RAD54L: variants seen among roughly 807,000 people sequenced by gnomAD.
The protein encoded by RAD54L is RAD54 like.
In RAD54L, 74 loss-of-function variants were observed where a neutral mutation model predicts 91.6. The observed-to-expected ratio is 0.81, with a 90% CI of 0.67 to 0.98. RAD54L has a LOEUF of 0.98. Among genes scored for constraint, RAD54L ranks in the 50% least tolerant of loss-of-function variants. The probability of loss-of-function intolerance (pLI) is 0.00; values close to 1 mark genes in which losing one functional copy is unlikely to be tolerated. For synonymous variants in RAD54L, 304 were observed against 349.7 expected, an observed-to-expected ratio of 0.87 and a Z score of 1.46; for missense variants, 887 against 945.7, an observed-to-expected ratio of 0.94 and a Z score of 0.81.
intron 8 of RAD54L, among the ~76,000 whole-genome samples, chr1:46,262,849 CA>C (rs1377041177): frequency 5.3e-5 from 8 of 152,124 alleles, no homozygotes; most frequent in Admixed American, 3.9e-4. Flanking sequence ...TCACAGGGAA[CA>C]GGTTCTAGAG....
At chr1:46,278,039 T>A in intron 17 of RAD54L, 33 bp from the exon 18 acceptor site, 1 of 1,614,146 alleles carries the variant, frequency 6.2e-7, no homozygotes, top group Non-Finnish European at 8.5e-7. Context: ...AGATGGGATC[T>A]GTAGTGACTT....
rs2148303452 is a variant in RAD54L, at chr1:46,274,641, C to T, written c.1793C>T (p.Ala598Val). 1 of 1,614,100 alleles carries T rather than the reference C, an allele frequency of 6.2e-7. No individual in the cohort carries two copies. Among genetic ancestry groups the T allele is most frequent in the Non-Finnish European group, 8.5e-7 (1 of 1,180,034 alleles). ...LVMFDPDWNP[A>V]NDEQAMARVW... The stretch of plus-strand genomic sequence containing the variant: ...ATGTTTGACCCTGACTGGAACCCAG[C>T]CAATGATGAACAAGCCATGGCCCGG... The change falls in exon 16 of 18, where the codon GCC becomes GTC. Residue 598 changes from alanine to valine, a missense_variant. Ala to Val is a moderately conservative substitution (Grantham distance 64). Coordinates refer to ENST00000371975, the MANE Select transcript of RAD54L (RefSeq NM_003579.4).
In RAD54L at chr1:46,260,978, C is replaced by T. The variant is rs145730038; in HGVS notation, c.729C>T (p.Ile243=). The T allele has an allele frequency of 2.0e-5, 33 of 1,613,854 alleles. No individual in the cohort carries two copies. In the African/African-American group the frequency reaches 2.7e-4, roughly 13 times the overall value. Residue 243 remains isoleucine (I), a synonymous_variant, in exon 7 of 18, where the codon ATC becomes ATT. Coordinates refer to ENST00000371975, the MANE Select transcript of RAD54L (RefSeq NM_003579.4). ...GAGGGAGGATCCAACCTCTGGCCATCGATGGAGGATCTAAGGATGAAATAG... is the reference window on the plus strand; with the variant it reads ...GAGGGAGGATCCAACCTCTGGCCATTGATGGAGGATCTAAGGATGAAATAG... ...WLGGRIQPLA[I]DGGSKDEIDQ...
chr1:46,248,517 G>C lies in RAD54L; in HGVS notation c.9G>C (p.Arg3Ser), dbSNP rs772321829. MR[R>S]SLAPSQLAKR... ...TTTCTGTTCTCCCTTTACAGAGGAGGAGCTTGGCTCCCAGCCAGCTGGCCA... is the reference window on the plus strand; with the variant it reads ...TTTCTGTTCTCCCTTTACAGAGGAGCAGCTTGGCTCCCAGCCAGCTGGCCA... Residue 3 changes from arginine to serine, a missense_variant, in exon 2 of 18, where the codon AGG becomes AGC. Physicochemically the swap from Arg to Ser is moderately radical, Grantham distance 110. Transcript: ENST00000371975. The C allele has an allele frequency of 3.1e-6, 5 of 1,614,160 alleles. No homozygotes were observed. In the Admixed American group the frequency reaches 5.0e-5, roughly 16 times the overall value.
rs915105893 is a variant in RAD54L at position 46,265,994 on chromosome 1, C to T, written c.892-1465C>T. ...TTAGTACCATGCCTACCACATTAAA[C>T]GGGTTCACTAAATAGTAGCAGCCAT... On this transcript the variant is annotated intron_variant, in intron 8 of 17. Transcript: ENST00000371975. The surrounding 1 kb of genome is among the most constrained non-coding windows in gnomAD (Gnocchi z 4.8). Among the ~76,000 whole-genome samples, 4 of 152,164 alleles carry T rather than the reference C, an allele frequency of 2.6e-5. No individual in the cohort carries two copies. Among genetic ancestry groups the T allele is most frequent in the Admixed American group, 6.6e-5 (1 of 15,264 alleles).
Position 46,248,403 on chromosome 1 carries a change from AG to A in RAD54L, c.-1del. 3.1e-6 allele frequency: 5 copies of A among 1,613,992 alleles called. No individual in the cohort carries two copies. Among genetic ancestry groups the A allele is most frequent in the Non-Finnish European group, 4.2e-6 (5 of 1,180,032 alleles). Reference sequence around the variant, plus strand: ...CTTGACGTTTTAAACTCCTAGGCCCAGGATGGTAAGTGTGGGCCTAGGGGAG... The same window carrying A: ...CTTGACGTTTTAAACTCCTAGGCCCAGATGGTAAGTGTGGGCCTAGGGGAG... On this transcript the variant is annotated 5_prime_UTR_variant, in exon 1 of 18. Coordinates refer to ENST00000371975, the MANE Select transcript of RAD54L (RefSeq NM_003579.4).
intron 3 of RAD54L, among the ~76,000 whole-genome samples, chr1:46,255,221 ATT>A (rs1659908395): frequency 6.6e-6 from 1 of 152,128 alleles, no homozygotes; most frequent in African/African-American, 2.4e-5. Flanking sequence ...ATAGGAGATA[ATT>A]AAGTCCATTT....
chr1:46,268,490 C>A lies in RAD54L; in HGVS notation c.1042+881C>A, dbSNP rs1660327724. On this transcript the variant is annotated intron_variant, in intron 9 of 17. Coordinates refer to ENST00000371975, the MANE Select transcript of RAD54L (RefSeq NM_003579.4). Reference sequence around the variant, plus strand: ...TGACCAAGTGAACACATTTGTGTAACCACCATCAGATGAATTACTAACACT... The same window carrying A: ...TGACCAAGTGAACACATTTGTGTAAACACCATCAGATGAATTACTAACACT... 2.0e-5 allele frequency among the ~76,000 whole-genome samples: 3 copies of A among 152,278 alleles called. No individual in the cohort carries two copies. In the South Asian group the frequency reaches 6.2e-4, roughly 32 times the overall value.
chr1:46,261,048 C>T (rs1660103442), intron 7 of RAD54L, 33 bp downstream of exon 7: 1 of 1,604,164 alleles, frequency 6.2e-7, no homozygotes, highest in African/African-American at 1.3e-5. Flanking sequence ...GCTGCACTCT[C>T]CTGCACAGCC....
chr1:46,273,592 A>C lies in RAD54L; in HGVS notation c.1487-32A>C, dbSNP rs369935298. On this transcript the variant is annotated intron_variant, in intron 13 of 17. Transcript: ENST00000371975. ...AGAAGCCTGGGCCATTGGGACAGCC[A>C]GTAGGGGACTGCTGGTTGCTGCTCT... 133 of 1,612,826 alleles carry C rather than the reference A, an allele frequency of 8.2e-5. No homozygotes were observed. In the African/African-American group the frequency reaches 1.7e-3, roughly 21 times the overall value.
chr1:46,252,164 G>T (rs1402266378), intron 3 of RAD54L, among the ~76,000 whole-genome samples: 1 of 152,176 alleles, frequency 6.6e-6, no homozygotes, highest in African/African-American at 2.4e-5. Flanking sequence ...TTATTGGAAA[G>T]ACTGGCAGCA....
chr1:46,276,698 C>T (rs28363246), intron 16 of RAD54L, among the ~76,000 whole-genome samples: 32 of 152,218 alleles, frequency 2.1e-4, no homozygotes, highest in Non-Finnish European at 3.8e-4. Context: ...TTATCCCAAC[C>T]CATTGTTCAC....
chr1:46,267,648 C>T, intron 9 of RAD54L, 39 bp downstream of exon 9: 1 of 1,567,870 alleles, frequency 6.4e-7, no homozygotes, highest in Non-Finnish European at 8.8e-7. Context: ...AGAGAGGAGC[C>T]CTGCCTTGTC....
At position 46,278,455 on chromosome 1, in the gene RAD54L, A is replaced by AT; in HGVS notation, c.*174dup. On this transcript the variant is annotated 3_prime_UTR_variant, in exon 18 of 18. Transcript: ENST00000371975. ...AAAACTTTTTTGGTTAAAAAAAAGAATAAAGGTATGAAAGGGTTTGAGGCC... is the reference window on the plus strand; with the variant it reads ...AAAACTTTTTTGGTTAAAAAAAAGAATTAAAGGTATGAAAGGGTTTGAGGCC... 4.8e-6 allele frequency: 4 copies of AT among 830,168 alleles called. No homozygotes were observed. Among genetic ancestry groups the AT allele is most frequent in the South Asian group, 4.8e-5 (3 of 62,522 alleles). 51.4% of individuals were successfully genotyped at this position (830,168 alleles called of 1,614,324 possible).
Position 46,272,446 on chromosome 1 carries a change from T to G in RAD54L, c.1170-20T>G. The G allele has an allele frequency of 1.9e-6, 3 of 1,587,322 alleles. No individual in the cohort carries two copies. The highest frequency in any genetic ancestry group is 2.6e-6 in the Non-Finnish European group (3 of 1,155,614). ...TGGCAATTTTACCAGCCTCTTGCCTTTTTATCCTGTTTTCTCTAGATGCCT... is the reference window on the plus strand; with the variant it reads ...TGGCAATTTTACCAGCCTCTTGCCTGTTTATCCTGTTTTCTCTAGATGCCT... On this transcript the variant is annotated intron_variant, in intron 10 of 17. Coordinates refer to ENST00000371975, the MANE Select transcript of RAD54L (RefSeq NM_003579.4).
intron 8 of RAD54L, among the ~76,000 whole-genome samples, chr1:46,264,041 C>T (rs867264707): frequency 6.6e-6 from 1 of 152,186 alleles, no homozygotes; most frequent in East Asian, 1.9e-4. Context: ...AAATAATCTG[C>T]GGCCTTGGCC....
intron 8 of RAD54L, among the ~76,000 whole-genome samples, chr1:46,266,537 G>A (rs372826059): frequency 9.8e-5 from 15 of 152,344 alleles, no homozygotes; most frequent in African/African-American, 3.6e-4. Context: ...CTTAAAAGAA[G>A]TAGTAGAGGT....
At chr1:46,270,819 TC>T (rs768339027) in intron 10 of RAD54L, 34 bp downstream of exon 10, 3 of 1,609,734 alleles carry the variant, frequency 1.9e-6, no homozygotes, top group Non-Finnish European at 2.5e-6. Flanking sequence ...TAGAATTGCC[TC>T]CCAAACCATC....
intron 8 of RAD54L, among the ~76,000 whole-genome samples, chr1:46,262,299 C>T (rs1384771574): frequency 6.6e-6 from 1 of 152,106 alleles, no homozygotes; most frequent in East Asian, 1.9e-4. Context: ...CCCAGCTACT[C>T]AGGAGGCTGA....
Sources: allele counts gnomAD v4.1 joint callset (sites outside exome capture counted in the v4.1 genomes callset), GRCh38; gene constraint gnomAD v4.1.1; non-coding constraint Gnocchi (gnomAD v3.1); transcripts MANE v1.5; gene names NCBI Gene and HGNC (gene_info 2026-07-23, HGNC 2026-07-21).